Variants in ADGRV1 observed in about 807,000 individuals in gnomAD.
ADGRV1 encodes the protein adhesion G protein-coupled receptor V1.
A neutral mutation model predicts 596.2 loss-of-function variants in ADGRV1; 359 were observed. The ratio of observed to expected loss-of-function variants is 0.60; its 90% CI spans 0.55 to 0.66. The LOEUF (loss-of-function observed/expected upper bound fraction) is 0.66, where lower values mean the gene tolerates loss of function less well. ADGRV1 is among the 30% of genes least tolerant of loss of function. ADGRV1 has a pLI of 0.00. For missense variants in ADGRV1, 7,274 were observed against 7,575.6 expected (o/e 0.96, Z 1.48); for synonymous variants, 2,681 against 2,679.2 (o/e 1.00, Z -0.02).
intron 39 of ADGRV1, among the ~76,000 whole-genome samples, chr5:90,709,930 A>G (rs1251878696): frequency 6.6e-6 from 1 of 152,250 alleles, no homozygotes; most frequent in Non-Finnish European, 1.5e-5. Context: ...TAATATCATT[A>G]CTTACATTCT....
intron 83 of ADGRV1, among the ~76,000 whole-genome samples, chr5:90,951,403 T>C (rs1445976097): frequency 6.6e-6 from 1 of 152,204 alleles, no homozygotes; most frequent in Non-Finnish European, 1.5e-5. Flanking sequence ...ACAATAGGAT[T>C]TTAATGATTT....
At chr5:90,591,449 A>G (rs1759499194) in intron 1 of ADGRV1, among the ~76,000 whole-genome samples, 1 of 152,146 alleles carries the variant, frequency 6.6e-6, no homozygotes, top group Non-Finnish European at 1.5e-5. Context: ...TTCTGAAATT[A>G]TGTAAATATT....
At chr5:90,836,835 TC>T (rs1765011447) in intron 77 of ADGRV1, among the ~76,000 whole-genome samples, 1 of 152,240 alleles carries the variant, frequency 6.6e-6, no homozygotes, top group Non-Finnish European at 1.5e-5. Context: ...GTTTCACCTC[TC>T]TGGTATTATT....
rs549145728 is a variant in ADGRV1, at chr5:90,627,301, A to C, written c.763A>C (p.Ile255Leu). 3 of 1,612,318 alleles carry C rather than the reference A, an allele frequency of 1.9e-6. No individual in the cohort carries two copies. The highest frequency in any genetic ancestry group is 1.3e-5 in the African/African-American group (1 of 75,016). ...CACCTCTAGGAATTCCATTGAGATC[A>C]TCATTAAGAAAAATGATAGTCCCGT... ...INTSRNSIEI[I>L]IKKNDSPVRF... Residue 255 changes from isoleucine (I) to leucine (L), a missense_variant, in exon 7 of 90, where the codon ATC (isoleucine) becomes CTC (leucine). Ile to Leu is a conservative substitution (Grantham distance 5, BLOSUM62 2). Around this residue, in one of 5 missense-constraint regions of ADGRV1, gnomAD observed 1,715 missense variants for 1,708.8 expected, o/e 1.00. Coordinates refer to ENST00000405460, the MANE Select transcript of ADGRV1 (RefSeq NM_032119.4).
At chr5:91,093,658 G>A (rs1790572995) in intron 86 of ADGRV1, among the ~76,000 whole-genome samples, 1 of 152,156 alleles carries the variant, frequency 6.6e-6, no homozygotes, top group Non-Finnish European at 1.5e-5. Context: ...AATACAGTGT[G>A]CTCAGGGTGC....
chr5:90,740,590 G>A (rs558029626), intron 50 of ADGRV1, among the ~76,000 whole-genome samples: 15 of 152,310 alleles, frequency 9.8e-5, no homozygotes, highest in African/African-American at 3.6e-4. Flanking sequence ...CTTTCTGGTG[G>A]TGTGCCTCCA....
intron 70 of ADGRV1, among the ~76,000 whole-genome samples, chr5:90,798,968 T>C (rs1440509827): frequency 6.6e-6 from 1 of 152,114 alleles, no homozygotes; most frequent in Non-Finnish European, 1.5e-5. Flanking sequence ...ACAACCAATA[T>C]CATACTGAAT....
intron 1 of ADGRV1, among the ~76,000 whole-genome samples, chr5:90,612,040 G>T (rs1762787861): frequency 6.6e-6 from 1 of 152,008 alleles, no homozygotes; most frequent in Non-Finnish European, 1.5e-5. Context: ...TGATGTCACA[G>T]AATTTGAGGC....
At chr5:90,854,941 A>T (rs1766882904) in intron 81 of ADGRV1, among the ~76,000 whole-genome samples, 1 of 152,182 alleles carries the variant, frequency 6.6e-6, no homozygotes, top group South Asian at 2.1e-4. Flanking sequence ...TTCCACTTGA[A>T]ATTTCTTCCT....
At chr5:90,936,054 T>G (rs1296728643) in intron 83 of ADGRV1, among the ~76,000 whole-genome samples, 2 of 152,226 alleles carry the variant, frequency 1.3e-5, no homozygotes, top group Non-Finnish European at 2.9e-5. Context: ...TGATGAGGCC[T>G]GAAAATCTGC....
At position 90,840,821 on chromosome 5, in the gene ADGRV1, CTT is replaced by C. The variant is rs773481209; in HGVS notation, c.16856_16857del (p.Leu5619ArgfsTer22). 6.2e-7 allele frequency: 1 copy of C among 1,613,834 alleles called. No individual in the cohort carries two copies. Among genetic ancestry groups the C allele is most frequent in the Non-Finnish European group, 8.5e-7 (1 of 1,179,786 alleles). On this transcript the variant is annotated frameshift_variant, in exon 78 of 90. Transcript: ENST00000405460. LOFTEE classifies it high-confidence loss of function. ...DKVYGTANITLVSDADSQAIW... is the reference protein window; with the variant it reads ...DKVYGTANITXVSDADSQAIW... ...AGTGTATGGGACTGCCAACATCACT[CTT>C]GTCTCAGATGCAGATTCGCAGGCCA...
At chr5:90,958,538 TAAC>T (rs35688495) in intron 83 of ADGRV1, among the ~76,000 whole-genome samples, 46,724 of 151,682 alleles carry the variant, frequency 0.31, 7,703 homozygotes, top group African/African-American at 0.44. Flanking sequence ...TGGATGGCTT[TAAC>T]AACACTAATT....
chr5:90,614,992 G>C lies in ADGRV1; in HGVS notation c.180G>C (p.Glu60Asp), dbSNP rs569274233. The C allele has an allele frequency of 6.1e-6, 9 of 1,475,146 alleles. No homozygotes were observed. The East Asian group carries it at 1.7e-4, about 28-fold the overall frequency. The allele number at this position is 1,475,146 out of a possible 1,614,324, so 91.4% of individuals were successfully genotyped here. The change falls in exon 2 of 90, where the codon GAG becomes GAC. Residue 60 changes from glutamate (E) to aspartate (D), a missense_variant. Physicochemically the swap from Glu to Asp is conservative, Grantham distance 45 (BLOSUM62 2). Transcript: ENST00000405460. ...VIRLIIERIG[E>D]PANVTAIVSL... The stretch of plus-strand genomic sequence containing the variant: ...GTCTTATCATTGAAAGGATAGGAGA[G>C]CCAGCAAATGTTACTGCAATTGTAT...
intron 87 of ADGRV1, among the ~76,000 whole-genome samples, chr5:91,130,427 CA>C (rs1794113073): frequency 7.0e-6 from 1 of 142,044 alleles, no homozygotes; most frequent in African/African-American, 2.6e-5. Context: ...GAGGCTGAGG[CA>C]GGAGAATTGC....
Position 90,716,472 on chromosome 5 carries a change from A to G in ADGRV1, c.9190A>G (p.Ile3064Val). Residue 3064 changes from isoleucine (I) to valine (V), a missense_variant, in exon 43 of 90, where the codon ATT (isoleucine) becomes GTT (valine). Around this residue, in one of 5 missense-constraint regions of ADGRV1, gnomAD observed 3,643 missense variants for 3,809.2 expected, o/e 0.96. Coordinates refer to ENST00000405460, the MANE Select transcript of ADGRV1 (RefSeq NM_032119.4). Reference protein sequence around the residue: ...LELGKNTIALIIVLANDDGPG... With the variant: ...LELGKNTIALVIVLANDDGPG... ...TAATATTTTTATTTTGGCAGCCTTA[A>G]TTATTGTCCTTGCTAATGATGACGG... 6.4e-7 allele frequency: 1 copy of G among 1,555,516 alleles called. No homozygotes were observed. The highest frequency in any genetic ancestry group is 1.3e-5 in the South Asian group (1 of 78,542).
chr5:91,124,599 A>G (rs111229601), intron 87 of ADGRV1, among the ~76,000 whole-genome samples: 18 of 152,212 alleles, frequency 1.2e-4, no homozygotes, highest in African/African-American at 4.3e-4. Flanking sequence ...CAAAAAACTC[A>G]TAACCCTCTA....
chr5:91,092,319 G>A (rs1321803649), intron 86 of ADGRV1, among the ~76,000 whole-genome samples: 3 of 152,026 alleles, frequency 2.0e-5, no homozygotes, highest in African/African-American at 4.8e-5. Flanking sequence ...AGCTGGTCTC[G>A]AACTCCTGAC....
At chr5:91,158,130 T>C (rs1796626343) in intron 89 of ADGRV1, among the ~76,000 whole-genome samples, 1 of 152,234 alleles carries the variant, frequency 6.6e-6, no homozygotes, top group African/African-American at 2.4e-5. Flanking sequence ...TTCTACCATG[T>C]ATCTGATAAT....
In ADGRV1 at chr5:90,712,385, A is replaced by T. The variant is rs781702347; in HGVS notation, c.9141A>T (p.Leu3047Phe). ...PEGDEKFQLI[L>F]TNPSPGLELG... The stretch of plus-strand genomic sequence containing the variant: ...GAGATGAAAAATTTCAGCTGATTTT[A>T]ACAAATCCTTCTCCTGGACTAGAGC... The change falls in exon 42 of 90, where the codon TTA (leucine) becomes TTT (phenylalanine). Residue 3047 changes from leucine to phenylalanine, a missense_variant. This residue lies in a region of ADGRV1 where 3,643 missense variants were observed against 3,809.2 expected (regional missense o/e 0.96). Coordinates refer to ENST00000405460, the MANE Select transcript of ADGRV1 (RefSeq NM_032119.4). The T allele has an allele frequency of 6.3e-7, 1 of 1,589,418 alleles. No individual in the cohort carries two copies. The highest frequency in any genetic ancestry group is 8.6e-7 in the Non-Finnish European group (1 of 1,164,816).
Sources: allele counts gnomAD v4.1 joint callset (sites outside exome capture counted in the v4.1 genomes callset), GRCh38; gene constraint gnomAD v4.1.1; regional missense constraint gnomAD v4.1.1; transcripts MANE v1.5; gene names NCBI Gene and HGNC (gene_info 2026-07-23, HGNC 2026-07-21).